The following AGBL1 variants were observed in gnomAD, a reference collection of about 807,000 sequenced individuals.
AGBL1 encodes the protein cytosolic carboxypeptidase 4.
A neutral mutation model predicts 118.9 loss-of-function variants in AGBL1; 130 were observed. The ratio of observed to expected loss-of-function variants is 1.09; its 90% CI spans 0.95 to 1.26. The LOEUF is 1.26. AGBL1 is among the 50% of genes most tolerant of loss of function. The pLI is 0.00. For missense variants in AGBL1, 1,584 were observed against 1,298.1 expected, an observed-to-expected ratio of 1.22 and a Z score of -3.38; for synonymous variants, 555 against 478.9, an observed-to-expected ratio of 1.16 and a Z score of -2.08.
chr15:86,226,745 C>G (rs961127447), intron 6 of AGBL1, among the ~76,000 whole-genome samples: 2 of 152,154 alleles, frequency 1.3e-5, no homozygotes, highest in African/African-American at 4.8e-5. Context: ...TTTAGAATTT[C>G]TAACTTCTTC....
chr15:86,139,284 G>A (rs1314206716), intron 1 of AGBL1, among the ~76,000 whole-genome samples: 2 of 151,700 alleles, frequency 1.3e-5, no homozygotes, highest in African/African-American at 4.8e-5. Flanking sequence ...CTGTCTCTGA[G>A]TTCAGGGTTC....
chr15:86,742,089 A>C (rs2077688225), intron 22 of AGBL1, among the ~76,000 whole-genome samples: 1 of 151,704 alleles, frequency 6.6e-6, no homozygotes. Flanking sequence ...GCCGGCAGTG[A>C]CTCTGAACCA....
At chr15:86,711,174 T>C (rs532248431) in intron 22 of AGBL1, among the ~76,000 whole-genome samples, 4 of 152,314 alleles carry the variant, frequency 2.6e-5, no homozygotes, top group Non-Finnish European at 5.9e-5. Flanking sequence ...ACCTTATATA[T>C]GTTTCAAGTG....
intron 22 of AGBL1, among the ~76,000 whole-genome samples, chr15:86,791,155 A>G (rs117341951): frequency 0.017 from 2,594 of 152,314 alleles, 40 homozygotes; most frequent in Non-Finnish European, 0.024. Context: ...CAGTGGATGA[A>G]TCCTCCCAGT....
intron 18 of AGBL1, among the ~76,000 whole-genome samples, chr15:86,457,597 T>G (rs2082277407): frequency 6.6e-6 from 1 of 152,162 alleles, no homozygotes; most frequent in Admixed American, 6.5e-5. Context: ...TGCTTTAAGC[T>G]TCATATCTTG....
intron 18 of AGBL1, among the ~76,000 whole-genome samples, chr15:86,466,990 C>G (rs1228288238): frequency 6.6e-6 from 1 of 152,256 alleles, no homozygotes; most frequent in African/African-American, 2.4e-5. Context: ...CTTAGCAGAG[C>G]TGGAGCACTG....
chr15:86,972,320 T>C (rs1413496885), intron 23 of AGBL1, among the ~76,000 whole-genome samples: 1 of 152,026 alleles, frequency 6.6e-6, no homozygotes, highest in Non-Finnish European at 1.5e-5. Context: ...TAGGCCTTGC[T>C]ATTTGCCCAA....
chr15:86,590,393 CT>C (rs1555428791), intron 21 of AGBL1, among the ~76,000 whole-genome samples: 1 of 152,084 alleles, frequency 6.6e-6, no homozygotes, highest in Non-Finnish European at 1.5e-5. Flanking sequence ...TATATGGGGG[CT>C]TTTCCCCACT....
intron 22 of AGBL1, among the ~76,000 whole-genome samples, chr15:86,815,395 C>CA (rs1277226402): frequency 1.3e-5 from 2 of 152,100 alleles, no homozygotes; most frequent in Non-Finnish European, 2.9e-5. Context: ...TTCTGCTCTG[C>CA]AAAACATTCT....
chr15:86,300,896 G>A (rs914026095), intron 17 of AGBL1, among the ~76,000 whole-genome samples: 4 of 152,212 alleles, frequency 2.6e-5, no homozygotes, highest in Admixed American at 2.0e-4. Context: ...ATGGGGTCCC[G>A]AGGGTGTAAT....
At chr15:86,391,242 A>C (rs1328130201) in intron 17 of AGBL1, among the ~76,000 whole-genome samples, 3 of 152,102 alleles carry the variant, frequency 2.0e-5, no homozygotes, top group African/African-American at 4.8e-5. Flanking sequence ...CTAATAAAAA[A>C]GATAGAAACA....
At chr15:87,028,044 G>T (rs2081751771) in intron 24 of AGBL1, among the ~76,000 whole-genome samples, 1 of 117,928 alleles carries the variant, frequency 8.5e-6, no homozygotes, top group African/African-American at 3.6e-5. Context: ...ACTTAAAAGT[G>T]GAAGAAAAAA....
rs904322665 is a variant in AGBL1, at chr15:86,597,671, C to T, written c.2994+43134C>T. Among the ~76,000 whole-genome samples the T allele has an allele frequency of 1.6e-4, 24 of 152,268 alleles. No individual in the cohort carries two copies. The East Asian group carries it at 1.9e-3, about 12-fold the overall frequency. On this transcript the variant is annotated intron_variant, in intron 21 of 22. Coordinates refer to ENST00000614907, the MANE Select transcript of AGBL1 (RefSeq NM_001386094.1). ...TGAAGAATATTCAAATGAGAATAGACAGAGCCTACTTACTCAGAGCTTGCT... is the reference window on the plus strand; with the variant it reads ...TGAAGAATATTCAAATGAGAATAGATAGAGCCTACTTACTCAGAGCTTGCT...
At chr15:86,868,867 A>G (rs560182618) in intron 22 of AGBL1, among the ~76,000 whole-genome samples, 4 of 152,336 alleles carry the variant, frequency 2.6e-5, no homozygotes, top group South Asian at 4.1e-4. Context: ...AAAATTGGAA[A>G]AAAATAGAAT....
intron 5 of AGBL1, among the ~76,000 whole-genome samples, chr15:86,183,361 T>C (rs956647725): frequency 8.5e-5 from 13 of 152,158 alleles, no homozygotes; most frequent in Non-Finnish European, 1.8e-4. Flanking sequence ...AAGTAAAAGG[T>C]ATTCAATCCA....
At chr15:86,307,702 G>T (rs2079861303) in intron 17 of AGBL1, among the ~76,000 whole-genome samples, 1 of 151,882 alleles carries the variant, frequency 6.6e-6, no homozygotes, top group Non-Finnish European at 1.5e-5. Flanking sequence ...AGGAGTTTGA[G>T]TCTAGTCTGG....
intron 18 of AGBL1, among the ~76,000 whole-genome samples, chr15:86,460,010 A>G (rs1199076809): frequency 1.3e-5 from 2 of 152,140 alleles, no homozygotes; most frequent in African/African-American, 2.4e-5. Context: ...TGCTTCTGCA[A>G]CAAGTAGAGA....
intron 1 of AGBL1, among the ~76,000 whole-genome samples, chr15:86,112,525 AT>A (rs1403243062): frequency 9.2e-5 from 14 of 152,154 alleles, no homozygotes; most frequent in Non-Finnish European, 2.1e-4. Flanking sequence ...AGTGTTTTCA[AT>A]TTTTCACGAT....
intron 5 of AGBL1, among the ~76,000 whole-genome samples, chr15:86,190,050 G>A (rs942418020): frequency 6.6e-6 from 1 of 152,128 alleles, no homozygotes; most frequent in African/African-American, 2.4e-5. Flanking sequence ...TAAACAGAAA[G>A]ATTATAATTT....
Sources: gnomAD v4.1 joint callset for allele counts (sites outside exome capture counted in the v4.1 genomes callset) on GRCh38, gnomAD v4.1.1 for gene constraint, MANE v1.5 for transcripts, NCBI Gene and HGNC (gene_info 2026-07-23, HGNC 2026-07-21) for gene names.